Variants in NCAM1 observed in about 807,000 individuals in gnomAD.
The protein encoded by NCAM1 is antigen recognized by monoclonal antibody 5.1H11.
In NCAM1, 14 loss-of-function variants were observed where a neutral mutation model predicts 109.8. The observed-to-expected ratio is 0.13, with a 90% CI of 0.08 to 0.20. The LOEUF is 0.20. NCAM1 is among the 10% of genes least tolerant of loss of function. NCAM1 has a pLI of 1.00. For missense variants in NCAM1, 774 were observed against 1,109.9 expected, an observed-to-expected ratio of 0.70 and a Z score of 4.30; for synonymous variants, 418 against 442.9, an observed-to-expected ratio of 0.94 and a Z score of 0.70.
chr11:112,994,201 A>G (rs1951535482), intron 1 of NCAM1, among the ~76,000 whole-genome samples: 1 of 152,220 alleles, frequency 6.6e-6, no homozygotes, highest in Non-Finnish European at 1.5e-5. Flanking sequence ...CTTCCCATAG[A>G]TATCTGATAG....
At chr11:113,036,599 G>C (rs759187914) in intron 1 of NCAM1, among the ~76,000 whole-genome samples, 36 of 152,064 alleles carry the variant, frequency 2.4e-4, no homozygotes, top group Non-Finnish European at 3.8e-4. Flanking sequence ...TCCTTCTGCT[G>C]TTTTGGAGTT....
chr11:113,207,569 G>A (rs1400248045), intron 6 of NCAM1, among the ~76,000 whole-genome samples, 191 bp downstream of exon 6: 2 of 152,148 alleles, frequency 1.3e-5, no homozygotes, highest in African/African-American at 4.8e-5. Flanking sequence ...TCAGCCTTGT[G>A]GGGGCAGAGT....
At chr11:113,172,756 C>A (rs1039623621) in intron 1 of NCAM1, among the ~76,000 whole-genome samples, 1 of 151,952 alleles carries the variant, frequency 6.6e-6, no homozygotes, top group Non-Finnish European at 1.5e-5. Context: ...TAGAATGGGT[C>A]TTTTTTTATT....
At chr11:113,038,777 A>T (rs1455336268) in intron 1 of NCAM1, among the ~76,000 whole-genome samples, 1 of 152,188 alleles carries the variant, frequency 6.6e-6, no homozygotes, top group Non-Finnish European at 1.5e-5. Flanking sequence ...GAGGGGGAGA[A>T]ATGCTTTGCT....
intron 1 of NCAM1, among the ~76,000 whole-genome samples, chr11:112,980,230 C>G (rs563805940): frequency 5.9e-5 from 9 of 151,746 alleles, no homozygotes; most frequent in Non-Finnish European, 8.9e-5. Flanking sequence ...TTGGAACCCT[C>G]AAACACTGCT....
intron 15 of NCAM1, among the ~76,000 whole-genome samples, chr11:113,251,852 C>T (rs1033573888): frequency 2.9e-4 from 44 of 152,196 alleles, no homozygotes; most frequent in African/African-American, 8.0e-4. Context: ...CTAATGTGCT[C>T]GATAAAGCAG....
intron 1 of NCAM1, among the ~76,000 whole-genome samples, chr11:113,172,989 C>T (rs547518967): frequency 1.3e-5 from 2 of 152,240 alleles, no homozygotes; most frequent in East Asian, 3.9e-4. Flanking sequence ...AAATACTGCT[C>T]GTGGCAGCTC....
chr11:113,017,789 G>A (rs1319688975), intron 1 of NCAM1, among the ~76,000 whole-genome samples: 1 of 151,976 alleles, frequency 6.6e-6, no homozygotes, highest in African/African-American at 2.4e-5. Flanking sequence ...TGGTAGCAAT[G>A]ATATACTACA....
chr11:113,074,315 C>T (rs1420278691), intron 1 of NCAM1, among the ~76,000 whole-genome samples: 2 of 152,070 alleles, frequency 1.3e-5, no homozygotes, highest in African/African-American at 2.4e-5. Context: ...AAATGGTACC[C>T]CTGGATTTGT....
chr11:113,128,612 T>C (rs1238587562), intron 1 of NCAM1, among the ~76,000 whole-genome samples: 1 of 152,212 alleles, frequency 6.6e-6, no homozygotes, highest in African/African-American at 2.4e-5. Context: ...GCCCCCTTCA[T>C]AGGCATGCCC....
At chr11:113,049,600 A>G (rs2135391595) in intron 1 of NCAM1, among the ~76,000 whole-genome samples, 1 of 152,300 alleles carries the variant, frequency 6.6e-6, no homozygotes, top group Admixed American at 6.5e-5. Flanking sequence ...AGAAGAGCTG[A>G]AAGTGCTGAA....
chr11:113,192,959 C>A (rs1943729648), intron 1 of NCAM1, among the ~76,000 whole-genome samples: 1 of 152,166 alleles, frequency 6.6e-6, no homozygotes, highest in East Asian at 1.9e-4. Flanking sequence ...TCTTGGCAGA[C>A]CCCCCACACC....
At chr11:113,024,822 A>G (rs1188728768) in intron 1 of NCAM1, among the ~76,000 whole-genome samples, 1 of 152,182 alleles carries the variant, frequency 6.6e-6, no homozygotes, top group African/African-American at 2.4e-5. Context: ...CATTAGGAAG[A>G]TTGTTTAGGA....
In NCAM1 at chr11:113,204,385, A is replaced by G; in HGVS notation, c.227A>G (p.Asp76Gly). 1 of 1,613,984 alleles carries G rather than the reference A, an allele frequency of 6.2e-7. No homozygotes were observed. Among genetic ancestry groups the G allele is most frequent in the Non-Finnish European group, 8.5e-7 (1 of 1,179,874 alleles). Residue 76 changes from aspartate to glycine, a missense_variant, in exon 3 of 20, where the codon GAT (aspartate) becomes GGT (glycine). Physicochemically the swap from Asp to Gly is moderately conservative, Grantham distance 94 (BLOSUM62 -1). Transcript: ENST00000316851. ...QQRISVVWNDDSSSTLTIYNA... is the reference protein window; with the variant it reads ...QQRISVVWNDGSSSTLTIYNA... ...CGGATCTCAGTGGTGTGGAATGATG[A>G]TTCCTCCTCCACCCTCACCATCTAT...
At chr11:113,097,171 CTGAT>C (rs1342566832) in intron 1 of NCAM1, among the ~76,000 whole-genome samples, 1 of 152,210 alleles carries the variant, frequency 6.6e-6, no homozygotes, top group Non-Finnish European at 1.5e-5. Flanking sequence ...TTGGCTCACT[CTGAT>C]TCCAAATTCC....
intron 1 of NCAM1, among the ~76,000 whole-genome samples, chr11:113,097,453 G>A (rs1390955260): frequency 6.6e-6 from 1 of 152,066 alleles, no homozygotes; most frequent in African/African-American, 2.4e-5. Context: ...GAGTAGAGTC[G>A]CTCATCTAAC....
At chr11:113,153,868 A>G (rs1288035017) in intron 1 of NCAM1, among the ~76,000 whole-genome samples, 1 of 152,222 alleles carries the variant, frequency 6.6e-6, no homozygotes, top group Admixed American at 6.5e-5. Context: ...TGTAACCACA[A>G]TGAGCCCTAG....
At chr11:113,218,373 T>G (rs1555114699) in intron 8 of NCAM1, among the ~76,000 whole-genome samples, 2 of 152,204 alleles carry the variant, frequency 1.3e-5, no homozygotes, top group African/African-American at 4.8e-5. Context: ...ATGACTTTAG[T>G]GGAAGGTTCA....
chr11:113,242,267 A>G (rs1945351143), intron 14 of NCAM1, among the ~76,000 whole-genome samples: 1 of 152,338 alleles, frequency 6.6e-6, no homozygotes, highest in East Asian at 1.9e-4. Context: ...CATGAAAGTC[A>G]TTTGTCAGCA....
Sources: allele counts gnomAD v4.1 joint callset (sites outside exome capture counted in the v4.1 genomes callset), GRCh38; gene constraint gnomAD v4.1.1; transcripts MANE v1.5; gene names NCBI Gene and HGNC (gene_info 2026-07-23, HGNC 2026-07-21).